Variants in AZIN2 observed in about 807,000 individuals in gnomAD.
AZIN2 encodes antizyme inhibitor 2.
A neutral mutation model predicts 47.8 loss-of-function variants in AZIN2; 28 were observed. The ratio of observed to expected loss-of-function variants is 0.59; its 90% CI spans 0.43 to 0.80. AZIN2 has a LOEUF of 0.80. AZIN2 is among the 30% of genes least tolerant of loss of function. AZIN2 has a pLI of 0.00. For synonymous variants in AZIN2, 221 were observed against 239.4 expected (o/e 0.92, Z 0.71); for missense variants, 535 against 582.5 (o/e 0.92, Z 0.84).
chr1:33,085,624 T>C (rs1641802482), intron 5 of AZIN2, among the ~76,000 whole-genome samples: 1 of 152,158 alleles, frequency 6.6e-6, no homozygotes, highest in African/African-American at 2.4e-5. Context: ...ATGACAGGGC[T>C]GGAGCGACTC....
At chr1:33,158,160 C>T in the AZIN2 span, 2 of 1,178,928 alleles carry the variant, frequency 1.7e-6, no homozygotes, top group South Asian at 1.3e-5. Flanking sequence ...TGCTCATTCA[C>T]CCCAACTGCC....
the AZIN2 span, among the ~76,000 whole-genome samples, chr1:33,157,763 T>C: frequency 6.6e-6 from 1 of 151,862 alleles, no homozygotes; most frequent in African/African-American, 2.4e-5. Flanking sequence ...TTTTTTTTCT[T>C]CCTTTTTTTC....
At chr1:33,097,991 C>T in intron 9 of AZIN2, 76 bp from the exon 10 acceptor site, 1 of 1,070,598 alleles carries the variant, frequency 9.3e-7, no homozygotes, top group Non-Finnish European at 1.4e-6. Context: ...CCTTACTGAG[C>T]CCACTGTTGT....
At chr1:33,096,571 G>C in intron 8 of AZIN2, 136 bp from the exon 9 acceptor site, 3 of 1,059,904 alleles carry the variant, frequency 2.8e-6, no homozygotes, top group Non-Finnish European at 4.1e-6. Context: ...TTATCAGCTG[G>C]GGCCTTAGCA....
intron 5 of AZIN2, among the ~76,000 whole-genome samples, chr1:33,089,574 C>G (rs1642306047): frequency 6.6e-6 from 1 of 152,222 alleles, no homozygotes; most frequent in East Asian, 1.9e-4. Flanking sequence ...CACATCCACT[C>G]AGATTCGGGG....
At chr1:33,154,978 A>G in the AZIN2 span, among the ~76,000 whole-genome samples, 1 of 149,940 alleles carries the variant, frequency 6.7e-6, no homozygotes, top group Non-Finnish European at 1.5e-5. Flanking sequence ...CTGCAGTCCC[A>G]GCTACTCGGG....
chr1:33,159,640 CGAG>C, the AZIN2 span: 1 of 1,572,564 alleles, frequency 6.4e-7, no homozygotes, highest in Non-Finnish European at 8.6e-7. The surrounding 1 kb of genome is among the most constrained non-coding windows in gnomAD (Gnocchi z 4.2). Context: ...CAGCATGGGT[CGAG>C]GAGGGGATGG....
downstream of AZIN2, among the ~76,000 whole-genome samples, chr1:33,125,146 C>T (rs1174199562): frequency 6.6e-6 from 1 of 152,200 alleles, no homozygotes; most frequent in Non-Finnish European, 1.5e-5. Flanking sequence ...GGAGTCATCT[C>T]TCACCTAGGA....
the AZIN2 span, chr1:33,145,503 GA>G: frequency 6.3e-6 from 1 of 159,588 alleles, no homozygotes; most frequent in East Asian, 1.9e-4. Context: ...TCTGGTAGTT[GA>G]AGGGTTGGGG....
intron 5 of AZIN2, among the ~76,000 whole-genome samples, chr1:33,088,085 T>G (rs1642131473): frequency 6.6e-6 from 1 of 152,150 alleles, no homozygotes; most frequent in Non-Finnish European, 1.5e-5. Flanking sequence ...AAACCCTCCT[T>G]CTTCTCAGAA....
the AZIN2 span, chr1:33,165,878 T>G: frequency 2.3e-5 from 5 of 216,624 alleles, no homozygotes; most frequent in Non-Finnish European, 2.7e-5. This position sits in a 1 kb window ranked among gnomAD's most constrained non-coding sequence, Gnocchi z 4.0. Context: ...GATCCCCGCT[T>G]AGAATTAAGG....
chr1:33,092,930 C>T (rs984787926), intron 6 of AZIN2, among the ~76,000 whole-genome samples: 4 of 152,180 alleles, frequency 2.6e-5, no homozygotes, highest in Non-Finnish European at 5.9e-5. Flanking sequence ...CAGCTTCCAT[C>T]GTATTAATGG....
the AZIN2 span, among the ~76,000 whole-genome samples, chr1:33,149,696 C>T: frequency 6.6e-6 from 1 of 152,190 alleles, no homozygotes. Flanking sequence ...CTCAAGTGAT[C>T]CTGCTGCCTC....
intron 6 of AZIN2, among the ~76,000 whole-genome samples, chr1:33,092,728 A>G (rs1164246292): frequency 6.6e-6 from 1 of 151,820 alleles, no homozygotes; most frequent in Non-Finnish European, 1.5e-5. Context: ...GACGCATGCT[A>G]TGTGTAGGGG....
In AZIN2 at chr1:33,120,116, C is replaced by T; in HGVS notation, c.1317C>T (p.Ser439=). The change falls in exon 12 of 12, where the codon TCC becomes TCT. Residue 439 remains serine, a synonymous_variant. Coordinates refer to ENST00000294517, the MANE Select transcript of AZIN2 (RefSeq NM_052998.4). ...DDVEGVCKPL[S]CGWEITDTLC... is the part of the protein sequence containing the mutation. ...TGGAGGGTGTGTGCAAGCCTCTGTC[C>T]TGCGGCTGGGAGATCACAGACACCC... is the stretch of plus-strand genomic sequence containing the variant. The T allele has an allele frequency of 1.9e-6, 3 of 1,613,994 alleles. No homozygotes were observed. Among genetic ancestry groups the T allele is most frequent in the Non-Finnish European group, 2.5e-6 (3 of 1,179,906 alleles).
Position 33,120,444 on chromosome 1 carries a change from G to C in AZIN2, c.*262G>C, listed in dbSNP as rs1644769511. Reference sequence around the variant, plus strand: ...CAAGGGGCCTGGTCAGCCAGGTGTGGGGGTGTTCTTGGGGTCTCCTTTGGT... The same window carrying C: ...CAAGGGGCCTGGTCAGCCAGGTGTGCGGGTGTTCTTGGGGTCTCCTTTGGT... On this transcript the variant is annotated 3_prime_UTR_variant, in exon 12 of 12. Transcript: ENST00000294517. 2.2e-6 allele frequency: 1 copy of C among 454,134 alleles called. No homozygotes were observed. The highest frequency in any genetic ancestry group is 2.0e-5 in the African/African-American group (1 of 49,830). 28.1% of individuals were successfully genotyped at this position (454,134 alleles called of 1,614,324 possible). A position where few individuals can be genotyped will look rare whatever the true frequency, so the allele number is the denominator to read the frequency against.
chr1:33,139,233 GGCTCAGCATCATCAGGGA>G, the AZIN2 span, among the ~76,000 whole-genome samples: 3 of 152,028 alleles, frequency 2.0e-5, no homozygotes, highest in Non-Finnish European at 4.4e-5. Context: ...TCGCTCTGGG[GGCTCAGCATCATCAGGGA>G]GGGGTTATCT....
the AZIN2 span, among the ~76,000 whole-genome samples, chr1:33,155,196 C>T: frequency 4.0e-5 from 6 of 151,454 alleles, no homozygotes; most frequent in East Asian, 1.0e-3. Context: ...CTCAGCCTCC[C>T]GAGTAATTGG....
the AZIN2 span, among the ~76,000 whole-genome samples, chr1:33,132,461 C>G: frequency 6.6e-6 from 1 of 152,218 alleles, no homozygotes; most frequent in Non-Finnish European, 1.5e-5. Context: ...TTGTCAACCC[C>G]TAAACTGTAC....
Sources: allele counts gnomAD v4.1 joint callset (sites outside exome capture counted in the v4.1 genomes callset), GRCh38; gene constraint gnomAD v4.1.1; non-coding constraint Gnocchi (gnomAD v3.1); transcripts MANE v1.5; gene names NCBI Gene and HGNC (gene_info 2026-07-23, HGNC 2026-07-21).